GALNT11: variants seen among roughly 807,000 people sequenced by gnomAD.
The protein encoded by GALNT11 is UDP-GalNAc:polypeptide N-acetylgalactosaminyltransferase 11.
In GALNT11, 47 loss-of-function variants were observed where a neutral mutation model predicts 72.7. The observed-to-expected ratio is 0.65, with a 90% CI of 0.51 to 0.82. The LOEUF (loss-of-function observed/expected upper bound fraction) is 0.82. GALNT11 is among the 40% of genes least tolerant of loss of function. The pLI, the probability that GALNT11 is intolerant of heterozygous loss-of-function variation, is 0.00. For synonymous variants in GALNT11, 270 were observed against 286.6 expected (o/e 0.94, Z 0.58); for missense variants, 677 against 778.4 (o/e 0.87, Z 1.55).
At chr7:152,090,774 C>T (rs2129034057) in intron 1 of GALNT11, among the ~76,000 whole-genome samples, 1 of 152,144 alleles carries the variant, frequency 6.6e-6, no homozygotes, top group Non-Finnish European at 1.5e-5. Flanking sequence ...CCTGAAGCTT[C>T]ACACACCTTC....
At position 152,121,867 on chromosome 7, in the gene GALNT11, G is replaced by A; in HGVS notation, c.*190G>A. The A allele has an allele frequency of 1.7e-6, 1 of 596,266 alleles. No homozygotes were observed. Among genetic ancestry groups the A allele is most frequent in the Non-Finnish European group, 2.8e-6 (1 of 357,934 alleles). The allele number at this position is 596,266 out of a possible 1,614,324, so 36.9% of individuals were successfully genotyped here. ...TCTGACAGAGACGGGAGCTCTGAGTGTCCACGGGTGAAGAAGTGAGTGTCC... is the reference window on the plus strand; with the variant it reads ...TCTGACAGAGACGGGAGCTCTGAGTATCCACGGGTGAAGAAGTGAGTGTCC... On this transcript the variant is annotated 3_prime_UTR_variant, in exon 12 of 12. Coordinates refer to ENST00000430044, the MANE Select transcript of GALNT11 (RefSeq NM_022087.4).
intron 1 of GALNT11, among the ~76,000 whole-genome samples, chr7:152,073,223 G>C (rs1293712402): frequency 6.6e-6 from 1 of 152,048 alleles, no homozygotes; most frequent in Admixed American, 6.5e-5. Context: ...AGTCATCCTA[G>C]AGTGCTATAG....
intron 1 of GALNT11, among the ~76,000 whole-genome samples, chr7:152,081,395 G>A (rs1587227701): frequency 6.6e-6 from 1 of 152,180 alleles, no homozygotes; most frequent in Non-Finnish European, 1.5e-5. Flanking sequence ...AGGCTAATCT[G>A]ATGATGATGC....
intron 1 of GALNT11, among the ~76,000 whole-genome samples, chr7:152,035,742 G>A (rs966377800): frequency 1.3e-5 from 2 of 152,200 alleles, no homozygotes; most frequent in Non-Finnish European, 2.9e-5. Flanking sequence ...CTGGCCGACA[G>A]GTGCCTGGTA....
At chr7:152,101,225 T>C (rs1320503453) in intron 3 of GALNT11, among the ~76,000 whole-genome samples, 7 of 152,184 alleles carry the variant, frequency 4.6e-5, no homozygotes, top group Non-Finnish European at 7.3e-5. Flanking sequence ...ATTGGATTCA[T>C]GGCAAATAGG....
intron 1 of GALNT11, chr7:152,093,944 G>A (rs1195190008): frequency 3.0e-6 from 1 of 336,850 alleles, no homozygotes; most frequent in Non-Finnish European, 5.3e-6. Context: ...CCATTAACAT[G>A]GGCAAATGAA....
At chr7:152,072,731 G>T (rs1160131507) in intron 1 of GALNT11, among the ~76,000 whole-genome samples, 2 of 152,178 alleles carry the variant, frequency 1.3e-5, no homozygotes, top group Non-Finnish European at 2.9e-5. Context: ...TGAACTGTTA[G>T]CCAATCGGGT....
At chr7:152,105,423 G>A (rs919381785) in intron 5 of GALNT11, 53 bp downstream of exon 5, 11 of 1,579,720 alleles carry the variant, frequency 7.0e-6, no homozygotes, top group Non-Finnish European at 9.4e-6. Context: ...AAGGGCTCGA[G>A]CCTCAGCGCC....
intron 4 of GALNT11, chr7:152,104,011 T>G (rs1267397722): frequency 6.6e-6 from 1 of 152,248 alleles, no homozygotes; most frequent in Non-Finnish European, 1.5e-5. Flanking sequence ...CAGTATTTTA[T>G]GATTCACTAC....
intron 2 of GALNT11, among the ~76,000 whole-genome samples, chr7:152,098,272 T>C (rs1485085053): frequency 6.6e-6 from 1 of 152,028 alleles, no homozygotes; most frequent in Non-Finnish European, 1.5e-5. Flanking sequence ...AGGTGGTATC[T>C]ACTGAAAGTT....
At position 152,121,591 on chromosome 7, in the gene GALNT11, G is replaced by A. The variant is rs777808926; in HGVS notation, c.1741G>A (p.Ala581Thr). 6 of 1,614,086 alleles carry A rather than the reference G, an allele frequency of 3.7e-6. No homozygotes were observed. The highest frequency in any genetic ancestry group is 2.7e-5 in the African/African-American group (2 of 74,928). The change falls in exon 12 of 12, where the codon GCA becomes ACA. Residue 581 changes from alanine to threonine, a missense_variant. Coordinates refer to ENST00000430044, the MANE Select transcript of GALNT11 (RefSeq NM_022087.4). Reference protein sequence around the residue: ...YQVSVGQCLRAVDPLGQKGSV... With the variant: ...YQVSVGQCLRTVDPLGQKGSV... ...GGTGTCGGTTGGACAGTGCCTGAGA[G>A]CAGTGGATCCCCTGGGTCAGAAGGG...
At chr7:152,079,142 TCATTTTATTTCA>T (rs1351799385) in intron 1 of GALNT11, 1 of 152,222 alleles carries the variant, frequency 6.6e-6, no homozygotes, top group African/African-American at 2.4e-5. Context: ...GTGCCCATAG[TCATTTTATTTCA>T]ATTTATATTA....
In GALNT11 at chr7:152,100,936, G is replaced by A. The variant is rs770002172; in HGVS notation, c.419+15G>A. 31 of 1,611,660 alleles carry A rather than the reference G, an allele frequency of 1.9e-5. No individual in the cohort carries two copies. Among genetic ancestry groups the A allele is most frequent in the Non-Finnish European group, 2.3e-5 (27 of 1,178,890 alleles). ...AGGAATGCAGCGTATGTGCCTTATC[G>A]GATTTGCAAATACATTTTAACAACA... is the stretch of plus-strand genomic sequence containing the variant. On this transcript the variant is annotated intron_variant, in intron 3 of 11. Coordinates refer to ENST00000430044, the MANE Select transcript of GALNT11 (RefSeq NM_022087.4).
chr7:152,072,933 C>T (rs1933940588), intron 1 of GALNT11, among the ~76,000 whole-genome samples: 1 of 152,194 alleles, frequency 6.6e-6, no homozygotes, highest in South Asian at 2.1e-4. Context: ...TGTCTGATTG[C>T]TGATTCTTCT....
chr7:152,058,979 C>T (rs571036252), intron 1 of GALNT11, among the ~76,000 whole-genome samples: 9 of 150,966 alleles, frequency 6.0e-5, no homozygotes, highest in Admixed American at 2.0e-4. Flanking sequence ...TTGAACCTGT[C>T]GGTCAAGGTT....
chr7:152,079,590 T>G (rs1457306706), intron 1 of GALNT11, among the ~76,000 whole-genome samples: 1 of 152,262 alleles, frequency 6.6e-6, no homozygotes, highest in Non-Finnish European at 1.5e-5. Context: ...ATATCAGGGA[T>G]GTCTGAGGAT....
chr7:152,113,892 A>G (rs1001858403), intron 8 of GALNT11, among the ~76,000 whole-genome samples: 2 of 149,588 alleles, frequency 1.3e-5, no homozygotes, highest in Non-Finnish European at 3.0e-5. Context: ...ATGTGCTACC[A>G]TGCCTGGATA....
At chr7:152,118,487 T>C in intron 9 of GALNT11, 191 bp from the exon 10 acceptor site, 1 of 523,872 alleles carries the variant, frequency 1.9e-6, no homozygotes, top group East Asian at 3.6e-5. Flanking sequence ...TTTGGAGTTA[T>C]AACTTTTGTC....
At chr7:152,111,255 C>T (rs950072795) in intron 7 of GALNT11, among the ~76,000 whole-genome samples, 1 of 152,214 alleles carries the variant, frequency 6.6e-6, no homozygotes. Context: ...TGGGCTCAAG[C>T]GATCCTCCCA....
Sources: gnomAD v4.1 joint callset for allele counts (sites outside exome capture counted in the v4.1 genomes callset) on GRCh38, gnomAD v4.1.1 for gene constraint, MANE v1.5 for transcripts, NCBI Gene and HGNC (gene_info 2026-07-23, HGNC 2026-07-21) for gene names.